The following BANP variants were observed in gnomAD, a reference collection of about 807,000 sequenced individuals.
The protein encoded by BANP is protein BANP.
Under a neutral mutation model 68.1 loss-of-function variants are expected in BANP, and 11 were observed. The ratio of observed to expected loss-of-function variants is 0.16; its 90% CI spans 0.10 to 0.27. BANP has a LOEUF of 0.27. Among genes scored for constraint, BANP ranks in the 10% least tolerant of loss-of-function variants. BANP has a pLI of 1.00. For missense variants in BANP, 504 were observed against 722.7 expected (o/e 0.70, Z 3.47); for synonymous variants, 329 against 303.2 (o/e 1.09, Z -0.88).
intron 6 of BANP, among the ~76,000 whole-genome samples, chr16:88,010,430 G>C (rs1305790216): frequency 6.6e-6 from 1 of 152,204 alleles, no homozygotes; most frequent in South Asian, 2.1e-4. Context: ...AATGACTTAC[G>C]TGGTAGCTCT....
At chr16:88,043,293 G>A (rs2081254246) in intron 11 of BANP, among the ~76,000 whole-genome samples, 1 of 152,220 alleles carries the variant, frequency 6.6e-6, no homozygotes, top group South Asian at 2.1e-4. Context: ...GCGTAGAGCT[G>A]AGCCTGGGTC....
chr16:88,023,144 G>A (rs1345595469), intron 7 of BANP, among the ~76,000 whole-genome samples: 1 of 152,196 alleles, frequency 6.6e-6, no homozygotes, highest in African/African-American at 2.4e-5. Context: ...GGGACATTGA[G>A]CGCCTCACGG....
intron 8 of BANP, among the ~76,000 whole-genome samples, chr16:88,030,031 C>T (rs756222198): frequency 9.9e-5 from 15 of 152,228 alleles, no homozygotes; most frequent in Non-Finnish European, 1.5e-4. Flanking sequence ...AGTGATCAGT[C>T]GCTGCACTAG....
chr16:88,041,790 C>T (rs1465968172), intron 11 of BANP, among the ~76,000 whole-genome samples: 1 of 152,226 alleles, frequency 6.6e-6, no homozygotes, highest in Non-Finnish European at 1.5e-5. Flanking sequence ...GAGGGCTCCC[C>T]TGGCTGAGGC....
At chr16:87,993,289 C>G (rs2066346073) in intron 4 of BANP, among the ~76,000 whole-genome samples, 1 of 152,250 alleles carries the variant, frequency 6.6e-6, no homozygotes, top group Admixed American at 6.5e-5. Flanking sequence ...CTATGCCCAT[C>G]ACCCAGTTAA....
At position 88,003,484 on chromosome 16, in the gene BANP, T is replaced by G. The variant is rs773972066; in HGVS notation, c.363-811T>G. The G allele has an allele frequency of 8.8e-6, 4 of 456,322 alleles. No homozygotes were observed. The highest frequency in any genetic ancestry group is 6.2e-5 in the South Asian group (4 of 64,574). The allele number at this position is 456,322 out of a possible 1,614,324, so 28.3% of individuals were successfully genotyped here. ...GTGCTAGTTCTTTCTCTCCCCAGCC[T>G]TCCACAACAAAGCGGACCTTAGATA... On this transcript the variant is annotated intron_variant, in intron 4 of 13. Coordinates refer to ENST00000682872, the MANE Select transcript of BANP (RefSeq NM_001386991.1). This position sits in a 1 kb window ranked among gnomAD's most constrained non-coding sequence, Gnocchi z 6.1.
Position 88,064,009 on chromosome 16 carries a change from A to C in BANP, c.1312-1258A>C, listed in dbSNP as rs1453770267. Among the ~76,000 whole-genome samples the C allele has an allele frequency of 2.0e-5, 3 of 152,208 alleles. No individual in the cohort carries two copies. The highest frequency in any genetic ancestry group is 4.4e-5 in the Non-Finnish European group (3 of 68,038). On this transcript the variant is annotated intron_variant, in intron 11 of 13. Coordinates refer to ENST00000682872, the MANE Select transcript of BANP (RefSeq NM_001386991.1). The surrounding 1 kb of genome is among the most constrained non-coding windows in gnomAD (Gnocchi z 4.5). ...TGAGCGAAACACTTAATGTACACTT[A>C]AGATTCGAAGAAAGAGGTACCGGGG...
At chr16:87,996,640 T>G (rs2067313493) in intron 4 of BANP, among the ~76,000 whole-genome samples, 2 of 138,406 alleles carry the variant, frequency 1.4e-5, no homozygotes, top group Non-Finnish European at 3.1e-5. Flanking sequence ...GCCCTCGTCC[T>G]GGGCGCCAGC....
At chr16:88,070,254 G>A (rs2089970567) in intron 12 of BANP, among the ~76,000 whole-genome samples, 1 of 152,094 alleles carries the variant, frequency 6.6e-6, no homozygotes, top group Non-Finnish European at 1.5e-5. Flanking sequence ...AGCTGCACAA[G>A]GGTTCAGTGC....
At chr16:87,962,055 A>G (rs1728634711) in intron 1 of BANP, among the ~76,000 whole-genome samples, 1 of 152,028 alleles carries the variant, frequency 6.6e-6, no homozygotes, top group Admixed American at 6.5e-5. Context: ...GCCTGCCAAC[A>G]TGGTGAAACG....
At chr16:87,982,870 T>G (rs1294534644) in intron 3 of BANP, 1 of 152,280 alleles carries the variant, frequency 6.6e-6, no homozygotes, top group African/African-American at 2.4e-5. Flanking sequence ...ATTCTGCAGA[T>G]TCCCTTGAGA....
intron 7 of BANP, among the ~76,000 whole-genome samples, chr16:88,022,243 C>T (rs1277433545): frequency 1.3e-5 from 2 of 152,186 alleles, no homozygotes; most frequent in African/African-American, 2.4e-5. Flanking sequence ...GGCTCGCTCA[C>T]GCCTCTGCTT....
At chr16:88,040,452 C>T (rs2080479501) in intron 11 of BANP, among the ~76,000 whole-genome samples, 1 of 152,042 alleles carries the variant, frequency 6.6e-6, no homozygotes. Flanking sequence ...TCACATAGCC[C>T]ATTCGCTCTC....
chr16:87,952,646 C>T (rs1386993916), intron 1 of BANP: 4 of 152,176 alleles, frequency 2.6e-5, no homozygotes, highest in East Asian at 1.9e-4. Flanking sequence ...ACACGCAGCT[C>T]GCAGATATCC....
chr16:88,048,364 T>C (rs747149192), intron 11 of BANP, among the ~76,000 whole-genome samples: 2 of 151,832 alleles, frequency 1.3e-5, no homozygotes, highest in Non-Finnish European at 2.9e-5. Context: ...ATATGGGAGG[T>C]TGGATTTCAG....
intron 12 of BANP, among the ~76,000 whole-genome samples, chr16:88,068,115 CAG>C (rs2089269082): frequency 6.6e-6 from 1 of 152,258 alleles, no homozygotes; most frequent in African/African-American, 2.4e-5. Flanking sequence ...GGGTGTCCGA[CAG>C]AGGTGCCCGA....
chr16:88,024,428 T>G (rs1468119753), intron 7 of BANP, among the ~76,000 whole-genome samples: 1 of 152,256 alleles, frequency 6.6e-6, no homozygotes, highest in African/African-American at 2.4e-5. Flanking sequence ...TGAGATCAAA[T>G]GCTTAAAGTG....
chr16:88,026,691 C>T (rs1329401474), intron 7 of BANP, among the ~76,000 whole-genome samples: 1 of 150,178 alleles, frequency 6.7e-6, no homozygotes, highest in Non-Finnish European at 1.5e-5. Context: ...AACTTGAATT[C>T]TCCAAACTGT....
chr16:87,954,543 C>G (rs775369557), intron 1 of BANP, among the ~76,000 whole-genome samples: 1 of 152,222 alleles, frequency 6.6e-6, no homozygotes, highest in Admixed American at 6.5e-5. Flanking sequence ...AGCCTGTCAC[C>G]GTGGGACCTG....
Sources: allele counts gnomAD v4.1 joint callset (sites outside exome capture counted in the v4.1 genomes callset), GRCh38; gene constraint gnomAD v4.1.1; non-coding constraint Gnocchi (gnomAD v3.1); transcripts MANE v1.5; gene names NCBI Gene and HGNC (gene_info 2026-07-23, HGNC 2026-07-21).